POC1B: variants seen among roughly 807,000 people sequenced by gnomAD.
The protein encoded by POC1B is POC1 centriolar protein B, also known as POC1 centriolar protein homolog B.
A neutral mutation model predicts 60.6 loss-of-function variants in POC1B; 44 were observed. That is an observed-to-expected ratio of 0.73 (90% CI 0.57 to 0.93). The LOEUF (loss-of-function observed/expected upper bound fraction) is 0.93, where lower values mean the gene tolerates loss of function less well. POC1B is among the 40% of genes least tolerant of loss of function. The pLI is 0.00. For missense variants in POC1B, 555 were observed against 572.3 expected (o/e 0.97, Z 0.31); for synonymous variants, 180 against 198.9 (o/e 0.90, Z 0.80).
intron 2 of POC1B, among the ~76,000 whole-genome samples, chr12:89,511,176 A>G (rs1283323289): frequency 6.6e-6 from 1 of 152,000 alleles, no homozygotes; most frequent in African/African-American, 2.4e-5. Context: ...TAAGCCCAAC[A>G]CTTTGGGAGG....
chr12:89,448,115 A>T (rs1881868315), intron 10 of POC1B, among the ~76,000 whole-genome samples: 1 of 152,132 alleles, frequency 6.6e-6, no homozygotes, highest in South Asian at 2.1e-4. Flanking sequence ...CTAACTGAGG[A>T]TATTTACCAG....
the POC1B span, among the ~76,000 whole-genome samples, chr12:89,407,070 A>G: frequency 6.9e-6 from 1 of 144,806 alleles, no homozygotes; most frequent in Non-Finnish European, 1.5e-5. Context: ...AATTGCTTGA[A>G]CCTGGGAGGT....
At chr12:89,500,111 G>T in intron 2 of POC1B, 9 of 1,473,036 alleles carry the variant, frequency 6.1e-6, no homozygotes, top group Non-Finnish European at 8.4e-6. Flanking sequence ...GTCGGGTCTG[G>T]ATCATCTCAA....
At chr12:89,447,700 C>T (rs769662674) in intron 10 of POC1B, among the ~76,000 whole-genome samples, 2 of 152,010 alleles carry the variant, frequency 1.3e-5, no homozygotes, top group African/African-American at 2.4e-5. Context: ...TTACCTGATG[C>T]TAGATGTCAT....
chr12:89,482,370 T>C (rs906352568), intron 4 of POC1B, among the ~76,000 whole-genome samples: 6 of 152,048 alleles, frequency 3.9e-5, no homozygotes, highest in African/African-American at 1.2e-4. Flanking sequence ...CATACATGAA[T>C]CTGGAGCTTC....
intron 4 of POC1B, among the ~76,000 whole-genome samples, chr12:89,474,402 A>G (rs1199803965): frequency 6.6e-6 from 1 of 152,232 alleles, no homozygotes; most frequent in Non-Finnish European, 1.5e-5. Flanking sequence ...TGCTTAGATA[A>G]TAACAAAATA....
chr12:89,413,038 A>G, the POC1B span, among the ~76,000 whole-genome samples: 3 of 151,324 alleles, frequency 2.0e-5, no homozygotes, highest in Admixed American at 2.0e-4. Context: ...AGCTGGCATT[A>G]CAGGCACCCG....
At chr12:89,433,106 A>G (rs189177052) in intron 10 of POC1B, among the ~76,000 whole-genome samples, 11 of 152,338 alleles carry the variant, frequency 7.2e-5, no homozygotes, top group African/African-American at 2.6e-4. Context: ...TGAATGCTTG[A>G]TTGGATAGCA....
the POC1B span, among the ~76,000 whole-genome samples, chr12:89,409,230 T>A: frequency 1.7e-3 from 252 of 152,354 alleles, no homozygotes; most frequent in South Asian, 4.3e-3. Context: ...GCCTAGGTTT[T>A]CTTCTACGGT....
chr12:89,423,946 G>T (rs976498693), intron 11 of POC1B, among the ~76,000 whole-genome samples: 6 of 152,202 alleles, frequency 3.9e-5, no homozygotes, highest in African/African-American at 1.4e-4. Flanking sequence ...ATGGCAATAT[G>T]GGAAACAAAC....
At chr12:89,438,767 G>C (rs996466660) in intron 10 of POC1B, among the ~76,000 whole-genome samples, 6 of 152,128 alleles carry the variant, frequency 3.9e-5, no homozygotes, top group African/African-American at 1.2e-4. Context: ...TGTATCTATG[G>C]TTGCTGCTTC....
In POC1B at chr12:89,421,039, T is replaced by A. The variant is rs1565889691; in HGVS notation, c.*114A>T. Reference sequence around the variant, plus strand: ...TTGCTCACCCTTTTAAGAAATGCCATGATAAATAGCACATGGTTGTGTTGT... The same window carrying A: ...TTGCTCACCCTTTTAAGAAATGCCAAGATAAATAGCACATGGTTGTGTTGT... On this transcript the variant is annotated 3_prime_UTR_variant, in exon 12 of 12. Coordinates refer to ENST00000313546, the MANE Select transcript of POC1B (RefSeq NM_172240.3). 1 of 745,984 alleles carries A rather than the reference T, an allele frequency of 1.3e-6. No individual in the cohort carries two copies. Among genetic ancestry groups the A allele is most frequent in the Non-Finnish European group, 2.1e-6 (1 of 485,806 alleles). The allele number at this position is 745,984 out of a possible 1,614,324, so 46.2% of individuals were successfully genotyped here.
At chr12:89,513,028 T>G (rs1467401313) in intron 2 of POC1B, among the ~76,000 whole-genome samples, 3 of 152,170 alleles carry the variant, frequency 2.0e-5, no homozygotes, top group Non-Finnish European at 4.4e-5. Context: ...AATTATACAT[T>G]ATTTGGGGTG....
intron 10 of POC1B, among the ~76,000 whole-genome samples, chr12:89,457,115 C>CAGT (rs1882292774): frequency 1.3e-5 from 2 of 152,058 alleles, no homozygotes; most frequent in South Asian, 4.1e-4. Flanking sequence ...TTTTGGCTTC[C>CAGT]AGTATTTCTC....
chr12:89,521,067 G>A (rs1870811536), intron 2 of POC1B: 1 of 150,992 alleles, frequency 6.6e-6, no homozygotes. Context: ...ACCCACAGAA[G>A]TAAACCACTT....
Position 89,525,943 on chromosome 12 carries a change from AG to A in POC1B, c.-49del. ...CTCCTGTGGGTGGGGGAACCCGGAG[AG>A]GGGAGGGGAGAGGATGGGGAAGGAG... On this transcript the variant is annotated 5_prime_UTR_variant, in exon 1 of 12. Coordinates refer to ENST00000313546, the MANE Select transcript of POC1B (RefSeq NM_172240.3). 6.5e-7 allele frequency: 1 copy of A among 1,528,534 alleles called. No individual in the cohort carries two copies. Among genetic ancestry groups the A allele is most frequent in the African/African-American group, 1.4e-5 (1 of 72,392 alleles). The allele number at this position is 1,528,534 out of a possible 1,614,324, so 94.7% of individuals were successfully genotyped here.
intron 10 of POC1B, among the ~76,000 whole-genome samples, chr12:89,446,078 G>A (rs1236142777): frequency 6.6e-6 from 1 of 152,170 alleles, no homozygotes; most frequent in Non-Finnish European, 1.5e-5. Context: ...CAGTTAGAAT[G>A]GCGATCATTA....
At chr12:89,521,448 C>T (rs1278132362) in intron 2 of POC1B, 2 of 152,216 alleles carry the variant, frequency 1.3e-5, no homozygotes, top group African/African-American at 2.4e-5. Context: ...TCCAGCTTCA[C>T]AACTGGACTG....
chr12:89,500,317 CAA>C (rs1390903166), intron 2 of POC1B: 3 of 1,519,474 alleles, frequency 2.0e-6, no homozygotes, highest in Non-Finnish European at 2.7e-6. Context: ...AGTCACCAAG[CAA>C]AGAGTGCCAG....
Sources: gnomAD v4.1 joint callset for allele counts (sites outside exome capture counted in the v4.1 genomes callset) on GRCh38, gnomAD v4.1.1 for gene constraint, MANE v1.5 for transcripts, NCBI Gene and HGNC (gene_info 2026-07-23, HGNC 2026-07-21) for gene names.